The following KAZN variants were observed in gnomAD, a reference collection of about 807,000 sequenced individuals.
KAZN encodes the protein kazrin.
Under a neutral mutation model 87.4 loss-of-function variants are expected in KAZN, and 40 were observed. The observed-to-expected ratio is 0.46, with a 90% CI of 0.36 to 0.60. The LOEUF (loss-of-function observed/expected upper bound fraction) is 0.60, where lower values mean the gene tolerates loss of function less well. KAZN is among the 20% of genes least tolerant of loss of function. The pLI is 0.00. For synonymous variants in KAZN, 466 were observed against 458.3 expected (o/e 1.02, Z -0.22); for missense variants, 898 against 1,073.9 (o/e 0.84, Z 2.29).
At chr1:14,072,790 T>C (rs1570670751) in intron 1 of KAZN, among the ~76,000 whole-genome samples, 1 of 152,146 alleles carries the variant, frequency 6.6e-6, no homozygotes, top group Admixed American at 6.5e-5. Flanking sequence ...ACCTCCCTCC[T>C]GCGATGTGTA....
At chr1:14,048,488 C>T (rs1390286631) in intron 1 of KAZN, among the ~76,000 whole-genome samples, 1 of 151,478 alleles carries the variant, frequency 6.6e-6, no homozygotes, top group Non-Finnish European at 1.5e-5. Flanking sequence ...ACTGCAACCT[C>T]TACCTCTGGG....
rs146209843 is a variant in KAZN at position 14,421,029 on chromosome 1, C to T, written c.250-177954C>T. Among the ~76,000 whole-genome samples, 696 of 152,284 alleles carry T rather than the reference C, an allele frequency of 4.6e-3. 2 individuals carry two copies. Among genetic ancestry groups the T allele is most frequent in the Non-Finnish European group, 6.3e-3 (429 of 68,016 alleles). On this transcript the variant is annotated intron_variant, in intron 2 of 16. Transcript: ENST00000636203. ...CCTCAAGCGCGGCCAGAGTGGGCGC[C>T]GAGGCCAAGGAGGCGTGGAGAGCGA...
chr1:14,956,795 C>A (rs11584442), intron 1 of KAZN, among the ~76,000 whole-genome samples: 1 of 151,892 alleles, frequency 6.6e-6, no homozygotes. Flanking sequence ...CCAGCCTTGG[C>A]GACTGCTAGA....
At chr1:14,792,812 C>G (rs1356965290) in intron 1 of KAZN, among the ~76,000 whole-genome samples, 2 of 152,026 alleles carry the variant, frequency 1.3e-5, no homozygotes. Context: ...CCTGTCTCTA[C>G]TAAAAATGCA....
chr1:14,068,938 A>G (rs1643128152), intron 1 of KAZN, among the ~76,000 whole-genome samples: 1 of 151,798 alleles, frequency 6.6e-6, no homozygotes, highest in Non-Finnish European at 1.5e-5. Flanking sequence ...AGCTGGGACT[A>G]CAGGCACGTG....
intron 1 of KAZN, among the ~76,000 whole-genome samples, chr1:14,651,030 C>T (rs1273669536): frequency 6.6e-6 from 1 of 152,172 alleles, no homozygotes; most frequent in Non-Finnish European, 1.5e-5. Context: ...CTCAAGAATT[C>T]GGAGAAAGTC....
At chr1:14,913,043 T>C (rs1334544235) in intron 1 of KAZN, among the ~76,000 whole-genome samples, 3 of 152,154 alleles carry the variant, frequency 2.0e-5, no homozygotes, top group Admixed American at 2.0e-4. Flanking sequence ...GCTGGAGTGA[T>C]GGAAGGAGCT....
At position 15,103,481 on chromosome 1, in the gene KAZN, C is replaced by T. The variant is rs761067350; in HGVS notation, c.1881+21C>T. On this transcript the variant is annotated intron_variant, in intron 12 of 14. Coordinates refer to ENST00000376030, the MANE Select transcript of KAZN (RefSeq NM_201628.3). ...TGAAGGTGAGGGTGATAGCGGAGGT[C>T]GGGGTGACTCTCGGGCATACACAAA... 1.9e-4 allele frequency: 292 copies of T among 1,502,314 alleles called. 1 individual carries two copies. Among genetic ancestry groups the T allele is most frequent in the Non-Finnish European group, 2.4e-4 (263 of 1,105,406 alleles). 93.1% of individuals were successfully genotyped at this position (1,502,314 alleles called of 1,614,324 possible).
intron 1 of KAZN, among the ~76,000 whole-genome samples, chr1:14,733,855 G>A (rs548467640): frequency 6.6e-6 from 1 of 152,148 alleles, no homozygotes; most frequent in Non-Finnish European, 1.5e-5. Flanking sequence ...TTGGCCCCCC[G>A]ATCAGCCTCT....
intron 2 of KAZN, among the ~76,000 whole-genome samples, chr1:14,238,272 T>C (rs979723136): frequency 6.6e-6 from 1 of 152,150 alleles, no homozygotes; most frequent in Admixed American, 6.5e-5. Flanking sequence ...GCTGCTGTGG[T>C]TGGTGCTGGG....
At chr1:14,068,761 C>T (rs549730003) in intron 1 of KAZN, among the ~76,000 whole-genome samples, 2 of 151,404 alleles carry the variant, frequency 1.3e-5, no homozygotes, top group Non-Finnish European at 2.9e-5. Flanking sequence ...GTTTTTGTGT[C>T]TGACCAGAAA....
Position 14,773,979 on chromosome 1 carries a change from C to G in KAZN, c.226+174756C>G, listed in dbSNP as rs1414056681. On this transcript the variant is annotated intron_variant, in intron 1 of 14. Coordinates refer to ENST00000376030, the MANE Select transcript of KAZN (RefSeq NM_201628.3). This position sits in a 1 kb window ranked among gnomAD's most constrained non-coding sequence, Gnocchi z 5.9. ...CCTCCAGCCCATGGCTGCTGCCAACCAAGGCGCCCTTGTGGGCTGTTCACC... is the reference window on the plus strand; with the variant it reads ...CCTCCAGCCCATGGCTGCTGCCAACGAAGGCGCCCTTGTGGGCTGTTCACC... Among the ~76,000 whole-genome samples the G allele has an allele frequency of 6.6e-6, 1 of 152,256 alleles. No homozygotes were observed. The highest frequency in any genetic ancestry group is 6.5e-5 in the Admixed American group (1 of 15,288).
intron 1 of KAZN, among the ~76,000 whole-genome samples, chr1:14,824,172 A>G (rs1019952123): frequency 2.6e-5 from 4 of 151,414 alleles, no homozygotes; most frequent in Non-Finnish European, 5.9e-5. Flanking sequence ...AGACTTTCAG[A>G]CTCAATTCAG....
intron 2 of KAZN, among the ~76,000 whole-genome samples, chr1:15,032,993 G>A (rs915440296): frequency 6.7e-6 from 1 of 150,112 alleles, no homozygotes; most frequent in Non-Finnish European, 1.5e-5. Context: ...GAAAATGAAT[G>A]GTTGTATCTA....
intron 2 of KAZN, among the ~76,000 whole-genome samples, chr1:14,275,629 G>A (rs766457997): frequency 4.6e-5 from 7 of 152,092 alleles, no homozygotes; most frequent in Non-Finnish European, 1.0e-4. Context: ...TATTCATAAG[G>A]CCATTCATTT....
intron 1 of KAZN, among the ~76,000 whole-genome samples, chr1:14,783,859 T>A (rs1645426416): frequency 6.6e-6 from 1 of 152,034 alleles, no homozygotes; most frequent in African/African-American, 2.4e-5. Context: ...GACTTGAGGC[T>A]GAGTCTGGAG....
intron 2 of KAZN, among the ~76,000 whole-genome samples, chr1:15,023,350 G>A (rs1449258644): frequency 2.6e-5 from 4 of 152,324 alleles, no homozygotes; most frequent in South Asian, 2.1e-4. Flanking sequence ...AGGGAAGGGT[G>A]TCCAGGGAAG....
At chr1:14,819,106 TG>T (rs1460126881) in intron 1 of KAZN, among the ~76,000 whole-genome samples, 11 of 152,214 alleles carry the variant, frequency 7.2e-5, no homozygotes, top group Admixed American at 1.3e-4. Flanking sequence ...AAAGTCGACA[TG>T]TTTTCTGCCC....
chr1:13,938,955 C>A (rs1216051363), intron 1 of KAZN, among the ~76,000 whole-genome samples: 2 of 152,232 alleles, frequency 1.3e-5, no homozygotes, highest in African/African-American at 4.8e-5. Context: ...TGACACAGGG[C>A]ATTGGAGCCC....
Sources: allele counts gnomAD v4.1 joint callset (sites outside exome capture counted in the v4.1 genomes callset), GRCh38; gene constraint gnomAD v4.1.1; non-coding constraint Gnocchi (gnomAD v3.1); transcripts MANE v1.5; gene names NCBI Gene and HGNC (gene_info 2026-07-23, HGNC 2026-07-21).